The following PCDHA5 variants were observed in gnomAD, a reference collection of about 807,000 sequenced individuals.
PCDHA5 encodes the protein protocadherin alpha-5.
Under a neutral mutation model 61.6 loss-of-function variants are expected in PCDHA5, and 43 were observed. The ratio of observed to expected loss-of-function variants is 0.70; its 90% CI spans 0.55 to 0.90. The LOEUF (loss-of-function observed/expected upper bound fraction) is 0.90, where lower values mean the gene tolerates loss of function less well. Among genes scored for constraint, PCDHA5 ranks in the 40% least tolerant of loss-of-function variants. The pLI is 0.00. For synonymous variants in PCDHA5, 627 were observed against 543.9 expected (o/e 1.15, Z -2.13); for missense variants, 1,298 against 1,222.7 (o/e 1.06, Z -0.92).
intron 1 of PCDHA5, chr5:140,829,855 C>A: frequency 6.2e-7 from 1 of 1,613,928 alleles, no homozygotes; most frequent in Non-Finnish European, 8.5e-7. Context: ...TGGGTGCAGG[C>A]CAAGTGGTGG....
intron 1 of PCDHA5, chr5:140,835,642 C>T (rs2150240514): frequency 1.2e-6 from 2 of 1,613,940 alleles, no homozygotes; most frequent in East Asian, 2.2e-5. Flanking sequence ...AGTGTGTCCG[C>T]CTATGAGCTG....
chr5:140,948,461 A>G (rs2094256529), intron 1 of PCDHA5, among the ~76,000 whole-genome samples: 1 of 151,516 alleles, frequency 6.6e-6, no homozygotes, highest in Admixed American at 6.6e-5. Flanking sequence ...TCTTTTAGGG[A>G]AAGTTTCTGA....
intron 1 of PCDHA5, chr5:140,883,623 C>A: frequency 6.2e-7 from 1 of 1,613,988 alleles, no homozygotes; most frequent in Non-Finnish European, 8.5e-7. Context: ...AACGACAACG[C>A]GCCGGCGTTC....
chr5:140,836,554 C>T, intron 1 of PCDHA5: 1 of 1,613,764 alleles, frequency 6.2e-7, no homozygotes, highest in Non-Finnish European at 8.5e-7. Flanking sequence ...TTGCGGTGCT[C>T]AGCGCCGTCC....
chr5:140,937,950 T>C (rs1483679576), intron 1 of PCDHA5, among the ~76,000 whole-genome samples: 1 of 152,164 alleles, frequency 6.6e-6, no homozygotes, highest in African/African-American at 2.4e-5. Flanking sequence ...AATTGGCTTT[T>C]GTTGAAAGTA....
chr5:141,009,820 CT>C lies in PCDHA5; in HGVS notation c.2696del (p.Phe899SerfsTer2). On this transcript the variant is annotated frameshift_variant, in exon 4 of 4. Transcript: ENST00000529859. LOFTEE classifies it high-confidence loss of function. ...CTAACAGCCAAATTGACAAAAGTGACTTCATAACCTTCGGCAAAAAGGAGGA... is the reference window on the plus strand; with the variant it reads ...CTAACAGCCAAATTGACAAAAGTGACTCATAACCTTCGGCAAAAAGGAGGA... ...PTNSQIDKSDFITFGKKEETK... is the reference protein window; with the variant it reads ...PTNSQIDKSDXITFGKKEETK... 6.2e-7 allele frequency: 1 copy of C among 1,613,960 alleles called. No individual in the cohort carries two copies. Among genetic ancestry groups the C allele is most frequent in the Non-Finnish European group, 8.5e-7 (1 of 1,179,996 alleles).
At chr5:140,946,342 A>G (rs2093932164) in intron 1 of PCDHA5, among the ~76,000 whole-genome samples, 1 of 151,846 alleles carries the variant, frequency 6.6e-6, no homozygotes, top group African/African-American at 2.4e-5. Context: ...CAAGTGATGG[A>G]GAGGATGTGG....
chr5:140,850,123 C>A (rs2150468826), intron 1 of PCDHA5: 9 of 1,595,920 alleles, frequency 5.6e-6, no homozygotes, highest in African/African-American at 2.7e-5. Context: ...GCGGGCGTGC[C>A]GCCTCTGGGC....
At chr5:140,917,519 T>C (rs1554198226) in intron 1 of PCDHA5, among the ~76,000 whole-genome samples, 1 of 152,256 alleles carries the variant, frequency 6.6e-6, no homozygotes, top group East Asian at 1.9e-4. Context: ...GGTTTTATTC[T>C]ACGGTTTGTA....
chr5:140,937,728 C>T (rs1180728000), intron 1 of PCDHA5, among the ~76,000 whole-genome samples: 4 of 151,954 alleles, frequency 2.6e-5, no homozygotes, highest in African/African-American at 7.2e-5. Flanking sequence ...CTGGCTAACA[C>T]GGTGAAACCC....
chr5:140,929,164 GC>G (rs781931769), intron 1 of PCDHA5: 2 of 1,614,150 alleles, frequency 1.2e-6, no homozygotes, highest in Non-Finnish European at 1.7e-6. Context: ...TCTCTATCGG[GC>G]CTCTCTGGGA....
intron 1 of PCDHA5, among the ~76,000 whole-genome samples, chr5:140,938,910 C>T (rs1467187970): frequency 6.6e-6 from 1 of 152,012 alleles, no homozygotes; most frequent in African/African-American, 2.4e-5. Context: ...CACACACACA[C>T]GCACAAGAAA....
At chr5:140,996,791 A>G (rs2153942087) in intron 3 of PCDHA5, among the ~76,000 whole-genome samples, 1 of 152,316 alleles carries the variant, frequency 6.6e-6, no homozygotes, top group Non-Finnish European at 1.5e-5. Context: ...CTCACTCCCT[A>G]CATCCAATCA....
At chr5:140,997,097 T>G (rs1222829529) in intron 3 of PCDHA5, among the ~76,000 whole-genome samples, 10 of 152,156 alleles carry the variant, frequency 6.6e-5, no homozygotes, top group Admixed American at 5.2e-4. Context: ...TGCAGAGTTC[T>G]CATGCACTCC....
chr5:140,876,685 T>C, intron 1 of PCDHA5: 1 of 1,614,216 alleles, frequency 6.2e-7, no homozygotes, highest in Non-Finnish European at 8.5e-7. Flanking sequence ...CAAGAATTAC[T>C]ACTCGTTGGT....
chr5:140,927,155 G>A (rs2083907874), intron 1 of PCDHA5: 1 of 1,614,076 alleles, frequency 6.2e-7, no homozygotes, highest in Non-Finnish European at 8.5e-7. Flanking sequence ...CAGCTGTGCA[G>A]GGCCAAAGCT....
intron 1 of PCDHA5, chr5:140,841,829 T>C (rs1470654104): frequency 1.9e-6 from 3 of 1,613,780 alleles, no homozygotes; most frequent in Non-Finnish European, 2.5e-6. Context: ...CGTGTTAACC[T>C]ACAGGCTTAG....
In PCDHA5 at chr5:141,011,771, G is replaced by A. The variant is rs1327507093; in HGVS notation, c.*1834G>A. On this transcript the variant is annotated 3_prime_UTR_variant, in exon 4 of 4. Transcript: ENST00000529859. ...TCTGACCTCTTTGAAGTTGCAGAATGCTTTGAAATTCTAATGGTATCTGAA... is the reference window on the plus strand; with the variant it reads ...TCTGACCTCTTTGAAGTTGCAGAATACTTTGAAATTCTAATGGTATCTGAA... The A allele has an allele frequency of 1.3e-5, 2 of 153,698 alleles. No individual in the cohort carries two copies. The highest frequency in any genetic ancestry group is 4.8e-5 in the African/African-American group (2 of 41,424). The allele number at this position is 153,698 out of a possible 1,614,324, so 9.5% of individuals were successfully genotyped here.
At chr5:140,848,979 A>G in intron 1 of PCDHA5, 1 of 1,599,958 alleles carries the variant, frequency 6.3e-7, no homozygotes, top group Non-Finnish European at 8.5e-7. Flanking sequence ...CGATGCAGAT[A>G]TCGGGGAGAA....
Sources: allele counts gnomAD v4.1 joint callset (sites outside exome capture counted in the v4.1 genomes callset), GRCh38; gene constraint gnomAD v4.1.1; transcripts MANE v1.5; gene names NCBI Gene and HGNC (gene_info 2026-07-23, HGNC 2026-07-21).